The following TNRC6B variants were observed in gnomAD, a reference collection of about 807,000 sequenced individuals.
The protein encoded by TNRC6B is trinucleotide repeat containing adaptor 6B, also known as trinucleotide repeat-containing gene 6B protein.
A neutral mutation model predicts 203.6 loss-of-function variants in TNRC6B; 52 were observed. The ratio of observed to expected loss-of-function variants is 0.26; its 90% CI spans 0.20 to 0.32. TNRC6B has a LOEUF of 0.32. Among genes scored for constraint, TNRC6B ranks in the 10% least tolerant of loss-of-function variants. TNRC6B has a pLI of 1.00. For missense variants in TNRC6B, 1,923 were observed against 2,286.2 expected, an observed-to-expected ratio of 0.84 and a Z score of 3.24; for synonymous variants, 838 against 845.7, an observed-to-expected ratio of 0.99 and a Z score of 0.16.
At chr22:40,282,530 G>C (rs2070731875) in intron 11 of TNRC6B, among the ~76,000 whole-genome samples, 1 of 152,116 alleles carries the variant, frequency 6.6e-6, no homozygotes, top group Non-Finnish European at 1.5e-5. Flanking sequence ...CATGAAATAG[G>C]CATAACATTC....
intron 7 of TNRC6B, among the ~76,000 whole-genome samples, 193 bp downstream of exon 7, chr22:40,273,793 C>T (rs541128672): frequency 4.6e-5 from 7 of 152,130 alleles, no homozygotes; most frequent in Admixed American, 1.3e-4. Flanking sequence ...TCTTAGTAGC[C>T]GGAACTATCA....
intron 1 of TNRC6B, among the ~76,000 whole-genome samples, chr22:40,066,832 G>A (rs1369036118): frequency 6.6e-6 from 1 of 151,280 alleles, no homozygotes; most frequent in Non-Finnish European, 1.5e-5. Flanking sequence ...ACTGATATTT[G>A]AATACTTTTG....
chr22:40,070,653 T>C (rs2067938826), intron 1 of TNRC6B, among the ~76,000 whole-genome samples: 1 of 152,176 alleles, frequency 6.6e-6, no homozygotes, highest in Non-Finnish European at 1.5e-5. Flanking sequence ...AATTTACAGG[T>C]ATTTTAAGAA....
intron 1 of TNRC6B, among the ~76,000 whole-genome samples, chr22:40,245,520 T>A (rs2070094512): frequency 6.6e-6 from 1 of 151,402 alleles, no homozygotes; most frequent in Non-Finnish European, 1.5e-5. Flanking sequence ...AGAGAAAAAA[T>A]TTAGAATACA....
intron 1 of TNRC6B, among the ~76,000 whole-genome samples, chr22:40,194,858 A>G (rs1047954873): frequency 6.6e-6 from 1 of 152,218 alleles, no homozygotes; most frequent in African/African-American, 2.4e-5. Flanking sequence ...AAGGAGGCGA[A>G]CTGGTGTTTC....
At chr22:40,206,106 C>T (rs1408106270) in intron 1 of TNRC6B, among the ~76,000 whole-genome samples, 1 of 152,128 alleles carries the variant, frequency 6.6e-6, no homozygotes, top group African/African-American at 2.4e-5. Flanking sequence ...AGGGAAATGT[C>T]CAACACATAA....
At chr22:40,241,306 A>G (rs1462484661) in intron 1 of TNRC6B, among the ~76,000 whole-genome samples, 1 of 152,242 alleles carries the variant, frequency 6.6e-6, no homozygotes, top group Non-Finnish European at 1.5e-5. Context: ...TAAAACCACA[A>G]TATAACCATC....
intron 6 of TNRC6B, among the ~76,000 whole-genome samples, chr22:40,272,789 C>T (rs1036690801): frequency 1.3e-5 from 2 of 152,258 alleles, no homozygotes; most frequent in South Asian, 2.1e-4. Flanking sequence ...AAAACCACTA[C>T]GTATAAATTC....
At chr22:40,109,405 G>A (rs1008471021) in intron 1 of TNRC6B, among the ~76,000 whole-genome samples, 5 of 152,162 alleles carry the variant, frequency 3.3e-5, no homozygotes, top group African/African-American at 4.8e-5. Context: ...CACCAACAGC[G>A]TAAAAGCGTT....
intron 4 of TNRC6B, among the ~76,000 whole-genome samples, chr22:40,164,007 A>C (rs1190802529): frequency 6.6e-6 from 1 of 152,066 alleles, no homozygotes; most frequent in Non-Finnish European, 1.5e-5. Flanking sequence ...TGTTGAATGA[A>C]TAAGTTCCCA....
intron 1 of TNRC6B, among the ~76,000 whole-genome samples, chr22:40,058,152 AAG>A (rs1299256634): frequency 4.6e-5 from 7 of 152,244 alleles, no homozygotes; most frequent in African/African-American, 1.7e-4. Context: ...CTGCTCCAGA[AAG>A]AGGAGATCTT....
chr22:40,228,811 A>C (rs2069827970), intron 1 of TNRC6B, among the ~76,000 whole-genome samples: 1 of 152,052 alleles, frequency 6.6e-6, no homozygotes, highest in Non-Finnish European at 1.5e-5. Flanking sequence ...GACATGAGCC[A>C]CCGCGCCCAG....
chr22:40,318,001 G>A (rs1402191026), intron 21 of TNRC6B, among the ~76,000 whole-genome samples: 2 of 152,192 alleles, frequency 1.3e-5, no homozygotes, highest in Admixed American at 6.5e-5. Context: ...TGTTTGACAT[G>A]TATACTTGGT....
At chr22:40,282,663 C>T (rs973597421) in intron 11 of TNRC6B, among the ~76,000 whole-genome samples, 8 of 152,044 alleles carry the variant, frequency 5.3e-5, no homozygotes, top group African/African-American at 1.9e-4. Flanking sequence ...GGTCATTCTT[C>T]TTATTTTTTT....
At chr22:40,220,844 T>G (rs1601895160) in intron 1 of TNRC6B, among the ~76,000 whole-genome samples, 1 of 152,278 alleles carries the variant, frequency 6.6e-6, no homozygotes, top group East Asian at 1.9e-4. Context: ...AGTTGTTAGC[T>G]TTTCAAGACT....
rs556662554 is a variant in TNRC6B, at chr22:40,102,805, G to A, written c.-120-14250G>A. ...ATAAAAATAAAAAAATTGACTGCGC[G>A]TGGTGGCTCACACCTGTAATCCCAG... is the stretch of plus-strand genomic sequence containing the variant. On this transcript the variant is annotated intron_variant, in intron 1 of 23. Coordinates refer to the TNRC6B transcript ENST00000301923. Among the ~76,000 whole-genome samples the A allele has an allele frequency of 1.5e-4, 23 of 152,070 alleles. No homozygotes were observed. The South Asian group carries it at 2.5e-3, about 16-fold the overall frequency.
Position 40,145,654 on chromosome 22 carries a change from C to T in TNRC6B, c.46-10461C>T, listed in dbSNP as rs369966153. 3.0e-4 allele frequency among the ~76,000 whole-genome samples: 46 copies of T among 152,150 alleles called. No individual in the cohort carries two copies. The South Asian group carries it at 7.3e-3, about 24-fold the overall frequency. On this transcript the variant is annotated intron_variant, in intron 3 of 23. Coordinates refer to the TNRC6B transcript ENST00000301923. ...GTCAAGAGATTGAGACCATCCTGGC[C>T]AACACGGTGAAACCCCGTCTCTACT...
In TNRC6B at chr22:40,132,969, A is replaced by AAAAT. The variant is rs1282694632; in HGVS notation, c.45+7108_45+7109insAATA. 6.9e-4 allele frequency among the ~76,000 whole-genome samples: 54 copies of AAAAT among 78,190 alleles called. 1 individual carries two copies. Among genetic ancestry groups the AAAAT allele is most frequent in the African/African-American group, 2.1e-3 (52 of 25,174 alleles). 51.3% of individuals were successfully genotyped at this position (78,190 alleles called of 152,430 possible). ...AAAAAAAAAAAAAAAAAAAAAAAAA[A>AAAAT]ATATATATATATATATATATATTCT... On this transcript the variant is annotated intron_variant, in intron 3 of 23. Transcript: ENST00000301923.
chr22:40,315,898 T>G, intron 20 of TNRC6B, 44 bp from the exon 21 acceptor site: 1 of 1,482,234 alleles, frequency 6.7e-7, no homozygotes, highest in Non-Finnish European at 9.3e-7. Flanking sequence ...TTTTCTTGTT[T>G]TTGTTTTATT....
Sources: allele counts gnomAD v4.1 joint callset (sites outside exome capture counted in the v4.1 genomes callset), GRCh38; gene constraint gnomAD v4.1.1; transcripts MANE v1.5; gene names NCBI Gene and HGNC (gene_info 2026-07-23, HGNC 2026-07-21).